Variants in EZH2 observed in about 807,000 individuals in gnomAD.
EZH2 encodes the protein enhancer of zeste 2 polycomb repressive complex 2 subunit, also known as histone-lysine N-methyltransferase EZH2.
Under a neutral mutation model 98.4 loss-of-function variants are expected in EZH2, and 18 were observed. That is an observed-to-expected ratio of 0.18 (90% CI 0.13 to 0.27). The LOEUF is 0.27. EZH2 is among the 10% of genes least tolerant of loss of function. The pLI is 1.00. For missense variants in EZH2, 470 were observed against 935.1 expected, an observed-to-expected ratio of 0.50 and a Z score of 6.49; for synonymous variants, 338 against 312.3, an observed-to-expected ratio of 1.08 and a Z score of -0.87.
intron 3 of EZH2, among the ~76,000 whole-genome samples, chr7:148,842,955 C>G (rs904759351): frequency 6.6e-6 from 1 of 151,602 alleles, no homozygotes; most frequent in Non-Finnish European, 1.5e-5. Flanking sequence ...CACTTGTAAT[C>G]CCAGCACTTT....
chr7:148,828,710 G>A (rs1382716930), intron 6 of EZH2, 30 bp downstream of exon 6: 2 of 1,603,848 alleles, frequency 1.2e-6, no homozygotes, highest in Non-Finnish European at 1.7e-6. Flanking sequence ...AGCTGTAATG[G>A]CTACACAGAA....
intron 15 of EZH2, among the ~76,000 whole-genome samples, chr7:148,812,822 G>A (rs1235720618): frequency 1.3e-5 from 2 of 152,028 alleles, no homozygotes; most frequent in Non-Finnish European, 2.9e-5. Context: ...TCATCTAAAT[G>A]TCTAACAGAA....
chr7:148,853,379 T>C (rs913870598), intron 1 of EZH2, among the ~76,000 whole-genome samples: 5 of 152,076 alleles, frequency 3.3e-5, no homozygotes, highest in Non-Finnish European at 7.4e-5. Flanking sequence ...GCCACTGCAC[T>C]CCAGCCTAGG....
chr7:148,817,824 C>A (rs774325789), intron 10 of EZH2, 53 bp downstream of exon 10: 1 of 1,612,818 alleles, frequency 6.2e-7, no homozygotes. Flanking sequence ...CCTTAATCCT[C>A]ACAACACGAA....
At chr7:148,839,053 T>TAAGGAAGGAAGGAGAAGGAAGG (rs1554402364) in intron 3 of EZH2, among the ~76,000 whole-genome samples, 8 of 107,814 alleles carry the variant, frequency 7.4e-5, no homozygotes, top group African/African-American at 2.6e-4. Context: ...CTCTGTCAAA[T>TAAGGAAGGAAGGAGAAGGAAGG]AAGGAAGGAA....
intron 1 of EZH2, among the ~76,000 whole-genome samples, chr7:148,862,029 C>CT (rs1346110569): frequency 5.3e-5 from 8 of 151,886 alleles, no homozygotes; most frequent in Non-Finnish European, 1.0e-4. Context: ...GGATCTCGTG[C>CT]TTTGATATTA....
chr7:148,867,169 A>G (rs998037792), intron 1 of EZH2, among the ~76,000 whole-genome samples: 4 of 151,874 alleles, frequency 2.6e-5, no homozygotes, highest in African/African-American at 9.7e-5. Context: ...TCTACTAAAA[A>G]TACAAAATTA....
chr7:148,826,847 A>G (rs937692223), intron 7 of EZH2, among the ~76,000 whole-genome samples: 10 of 152,186 alleles, frequency 6.6e-5, no homozygotes, highest in African/African-American at 2.2e-4. Flanking sequence ...ATGGAAAAGG[A>G]TATTATATTA....
At chr7:148,851,435 C>T (rs1291675871) in intron 1 of EZH2, among the ~76,000 whole-genome samples, 5 of 152,136 alleles carry the variant, frequency 3.3e-5, no homozygotes, top group African/African-American at 7.2e-5. Context: ...TGGTTCTGTG[C>T]CTGGCATATA....
At chr7:148,824,632 A>G (rs1232192482) in intron 8 of EZH2, among the ~76,000 whole-genome samples, 1 of 152,214 alleles carries the variant, frequency 6.6e-6, no homozygotes, top group African/African-American at 2.4e-5. Flanking sequence ...ATTTCTCAGA[A>G]TGCATCTCCG....
Position 148,847,110 on chromosome 7 carries a change from C to T in EZH2, c.117+72G>A, listed in dbSNP as rs531198790. On this transcript the variant is annotated intron_variant, in intron 2 of 19. Transcript: ENST00000320356. ...TGGCTAGAATTATTTTAAATAAAAA[C>T]TTATTGAACTTAGGAGGGGAAAAAA... 5.3e-6 allele frequency: 8 copies of T among 1,508,318 alleles called. No homozygotes were observed. In the South Asian group the frequency reaches 6.5e-5, roughly 12 times the overall value. 93.4% of individuals were successfully genotyped at this position (1,508,318 alleles called of 1,614,324 possible).
At chr7:148,872,538 A>G (rs185152120) in intron 1 of EZH2, among the ~76,000 whole-genome samples, 25 of 152,350 alleles carry the variant, frequency 1.6e-4, no homozygotes, top group Admixed American at 1.6e-3. Flanking sequence ...AACTACATGT[A>G]TATTAGGTAC....
chr7:148,816,894 G>T, intron 11 of EZH2, 116 bp from the exon 12 acceptor site: 5 of 749,986 alleles, frequency 6.7e-6, no homozygotes, highest in South Asian at 3.1e-5. Context: ...GCTAGATGCT[G>T]GGGATATAAC....
intron 1 of EZH2, among the ~76,000 whole-genome samples, chr7:148,853,489 G>A (rs1473271939): frequency 1.3e-5 from 2 of 152,116 alleles, no homozygotes; most frequent in Admixed American, 6.5e-5. Context: ...TAGGGTTCAC[G>A]CTTCCGTGAG....
chr7:148,846,228 A>G (rs939631568), intron 3 of EZH2, among the ~76,000 whole-genome samples: 1 of 152,124 alleles, frequency 6.6e-6, no homozygotes, highest in African/African-American at 2.4e-5. Context: ...TTAAATCAAC[A>G]TTCTTATAAA....
chr7:148,866,667 T>C (rs1440978835), intron 1 of EZH2, among the ~76,000 whole-genome samples: 1 of 147,214 alleles, frequency 6.8e-6, no homozygotes, highest in Non-Finnish European at 1.5e-5. Flanking sequence ...CGTATATGCA[T>C]ATATATGTAC....
chr7:148,879,673 G>A (rs993852931), intron 1 of EZH2, among the ~76,000 whole-genome samples: 1 of 152,114 alleles, frequency 6.6e-6, no homozygotes, highest in African/African-American at 2.4e-5. Flanking sequence ...CTAGGTGACA[G>A]AGTGACACTG....
rs576556669 is a variant in EZH2, at chr7:148,868,588, C to T, written c.-8+15576G>A. Among the ~76,000 whole-genome samples the T allele has an allele frequency of 3.3e-5, 5 of 152,144 alleles. No individual in the cohort carries two copies. In the East Asian group the frequency reaches 7.7e-4, roughly 23 times the overall value. On this transcript the variant is annotated intron_variant, in intron 1 of 19. Coordinates refer to ENST00000320356, the MANE Select transcript of EZH2 (RefSeq NM_004456.5). ...AATTTGACGCGTGATTTGGGTGGGG[C>T]CACAGAGCCAAACTATATCACCCTA...
chr7:148,817,246 T>A lies in EZH2; in HGVS notation c.1386A>T (p.Leu462Phe). 1 of 1,613,798 alleles carries A rather than the reference T, an allele frequency of 6.2e-7. No homozygotes were observed. The highest frequency in any genetic ancestry group is 1.1e-5 in the South Asian group (1 of 90,966). ...CCTGTCTACATGTTTTGGTCCCAAT[T>A]AACCTAGCAATGGCACAGAAATTGT... ...YYDNFCAIAR[L>F]IGTKTCRQVY... Residue 462 changes from leucine to phenylalanine, a missense_variant, in exon 11 of 20, where the codon TTA becomes TTT. By Grantham distance (22) the Leu-to-Phe change is conservative. This residue lies in a region of EZH2 where 192 missense variants were observed against 306.8 expected (regional missense o/e 0.63). Coordinates refer to ENST00000320356, the MANE Select transcript of EZH2 (RefSeq NM_004456.5).
Sources: allele counts gnomAD v4.1 joint callset (sites outside exome capture counted in the v4.1 genomes callset), GRCh38; gene constraint gnomAD v4.1.1; regional missense constraint gnomAD v4.1.1; transcripts MANE v1.5; gene names NCBI Gene and HGNC (gene_info 2026-07-23, HGNC 2026-07-21).